DPP6: variants seen among roughly 807,000 people sequenced by gnomAD.
The protein encoded by DPP6 is dipeptidyl peptidase like 6, also known as A-type potassium channel modulatory protein DPP6.
A neutral mutation model predicts 122.6 loss-of-function variants in DPP6; 69 were observed. The observed-to-expected ratio is 0.56, with a 90% CI of 0.46 to 0.69. The LOEUF is 0.69. DPP6 is among the 30% of genes least tolerant of loss of function. The pLI is 0.00. For synonymous variants in DPP6, 418 were observed against 433.1 expected (o/e 0.97, Z 0.43); for missense variants, 928 against 1,116.9 (o/e 0.83, Z 2.41).
At chr7:154,637,335 G>T (rs1384339471) in intron 5 of DPP6, among the ~76,000 whole-genome samples, 3 of 152,200 alleles carry the variant, frequency 2.0e-5, no homozygotes, top group Non-Finnish European at 4.4e-5. Flanking sequence ...TGTACAGGGG[G>T]TCAAAAGTGT....
intron 1 of DPP6, among the ~76,000 whole-genome samples, chr7:154,109,903 C>T (rs1193613788): frequency 7.0e-6 from 1 of 142,348 alleles, no homozygotes; most frequent in East Asian, 2.0e-4. Context: ...AGGCAGTAGC[C>T]TCAGATACCT....
intron 1 of DPP6, among the ~76,000 whole-genome samples, chr7:154,279,659 G>A (rs1418809510): frequency 6.6e-6 from 1 of 152,208 alleles, no homozygotes; most frequent in Non-Finnish European, 1.5e-5. Flanking sequence ...CCAGTTGTTG[G>A]AAAAGGGTGT....
chr7:154,348,073 G>A (rs2151073990), intron 1 of DPP6, among the ~76,000 whole-genome samples: 1 of 152,210 alleles, frequency 6.6e-6, no homozygotes, highest in African/African-American at 2.4e-5. Context: ...AGGTTTTATG[G>A]AACTCTCAGC....
chr7:154,278,528 T>C (rs1804286515), intron 1 of DPP6, among the ~76,000 whole-genome samples: 1 of 152,202 alleles, frequency 6.6e-6, no homozygotes, highest in Non-Finnish European at 1.5e-5. Context: ...AGCATGTGGG[T>C]CTGTTCCCTC....
At chr7:154,615,215 AG>A (rs5888581) in intron 5 of DPP6, among the ~76,000 whole-genome samples, 61,604 of 151,954 alleles carry the variant, frequency 0.41, 13,412 homozygotes, top group East Asian at 0.64. Context: ...CTGCAAAATG[AG>A]GAGGCCTGGA....
chr7:154,087,892 G>A (rs1804540486), intron 1 of DPP6, among the ~76,000 whole-genome samples: 1 of 152,218 alleles, frequency 6.6e-6, no homozygotes, highest in South Asian at 2.1e-4. Flanking sequence ...GAGAACAGGG[G>A]CCACCTTCTA....
At chr7:154,226,824 T>C (rs1283380561) in intron 1 of DPP6, among the ~76,000 whole-genome samples, 7 of 152,178 alleles carry the variant, frequency 4.6e-5, no homozygotes, top group African/African-American at 1.7e-4. Flanking sequence ...CAGTCAGGTG[T>C]CAATTGTCAG....
At chr7:154,336,185 A>C (rs949955080) in intron 1 of DPP6, among the ~76,000 whole-genome samples, 1 of 152,128 alleles carries the variant, frequency 6.6e-6, no homozygotes, top group Non-Finnish European at 1.5e-5. Context: ...GGTTCCTGCA[A>C]TCAGCATGCC....
intron 10 of DPP6, among the ~76,000 whole-genome samples, chr7:154,786,646 A>G (rs531604047): frequency 6.6e-6 from 1 of 152,300 alleles, no homozygotes; most frequent in Non-Finnish European, 1.5e-5. Flanking sequence ...CTGTGAGTCA[A>G]TTAAATTTCT....
intron 1 of DPP6, among the ~76,000 whole-genome samples, chr7:154,440,020 G>A (rs201863549): frequency 1.3e-5 from 2 of 152,158 alleles, no homozygotes; most frequent in African/African-American, 4.8e-5. Context: ...AGGGGCACCC[G>A]CAGGTTTGTG....
intron 1 of DPP6, among the ~76,000 whole-genome samples, chr7:154,248,970 C>A (rs970969277): frequency 6.6e-6 from 1 of 152,180 alleles, no homozygotes; most frequent in African/African-American, 2.4e-5. Context: ...CATGTCTTGG[C>A]ATGTGCCTCC....
intron 1 of DPP6, among the ~76,000 whole-genome samples, chr7:154,210,828 G>A (rs190788773): frequency 1.9e-5 from 2 of 104,790 alleles, no homozygotes; most frequent in Admixed American, 2.3e-4. Context: ...TGGTAATTGT[G>A]CAAAAAGGAA....
At chr7:154,676,484 T>C (rs140918464) in intron 7 of DPP6, among the ~76,000 whole-genome samples, 1 of 151,580 alleles carries the variant, frequency 6.6e-6, no homozygotes, top group African/African-American at 2.4e-5. Flanking sequence ...GCTGCGGCCA[T>C]GGGGTGTGCT....
At chr7:154,724,305 T>C (rs1358596440) in intron 7 of DPP6, among the ~76,000 whole-genome samples, 1 of 152,190 alleles carries the variant, frequency 6.6e-6, no homozygotes, top group African/African-American at 2.4e-5. Flanking sequence ...ACTCTGCAGA[T>C]GGTTCTCTAT....
intron 1 of DPP6, among the ~76,000 whole-genome samples, chr7:154,112,664 G>C (rs1345237431): frequency 6.6e-6 from 1 of 151,608 alleles, no homozygotes; most frequent in Admixed American, 6.6e-5. Flanking sequence ...AAAAAAAAAG[G>C]AATCTCTCAG....
chr7:154,274,098 C>T (rs1424491711), intron 1 of DPP6, among the ~76,000 whole-genome samples: 2 of 152,200 alleles, frequency 1.3e-5, no homozygotes, highest in Admixed American at 6.5e-5. Flanking sequence ...TTTGCTCTCT[C>T]ACTGATTTAG....
intron 21 of DPP6, among the ~76,000 whole-genome samples, chr7:154,881,314 T>C (rs952018596): frequency 1.1e-4 from 16 of 152,214 alleles, no homozygotes; most frequent in Non-Finnish European, 1.3e-4. Flanking sequence ...ACAACGTTAA[T>C]TACCATGTCT....
chr7:153,846,923 G>A, the DPP6 span, among the ~76,000 whole-genome samples: 1 of 151,922 alleles, frequency 6.6e-6, no homozygotes, highest in African/African-American at 2.4e-5. Flanking sequence ...GGCTACCCTC[G>A]TGATCCGCCC....
At chr7:154,033,678 C>T (rs1405412422) in intron 1 of DPP6, among the ~76,000 whole-genome samples, 4 of 152,156 alleles carry the variant, frequency 2.6e-5, no homozygotes, top group African/African-American at 9.7e-5. Flanking sequence ...ATAAGCTAGA[C>T]CAGCAGTTGC....
Sources: gnomAD v4.1 joint callset for allele counts (sites outside exome capture counted in the v4.1 genomes callset) on GRCh38, gnomAD v4.1.1 for gene constraint, MANE v1.5 for transcripts, NCBI Gene and HGNC (gene_info 2026-07-23, HGNC 2026-07-21) for gene names.